Variants in SNTG1 observed in about 807,000 individuals in gnomAD.
SNTG1 encodes the protein gamma-1-syntrophin.
Under a neutral mutation model 74.7 loss-of-function variants are expected in SNTG1, and 39 were observed. That is an observed-to-expected ratio of 0.52 (90% CI 0.40 to 0.68). The LOEUF (loss-of-function observed/expected upper bound fraction) is 0.68, where lower values mean the gene tolerates loss of function less well. SNTG1 is among the 30% of genes least tolerant of loss of function. The probability of loss-of-function intolerance (pLI) is 0.00; values close to 1 mark genes in which losing one functional copy is unlikely to be tolerated. For missense variants in SNTG1, 685 were observed against 609.5 expected (o/e 1.12, Z -1.30); for synonymous variants, 254 against 217.1 (o/e 1.17, Z -1.49).
chr8:50,685,723 G>A (rs1175125715), intron 15 of SNTG1, among the ~76,000 whole-genome samples: 1 of 152,244 alleles, frequency 6.6e-6, no homozygotes, highest in Non-Finnish European at 1.5e-5. Flanking sequence ...ATTTTAAGCT[G>A]TCACTGAATT....
At chr8:50,459,900 T>A (rs2093544305) in intron 8 of SNTG1, among the ~76,000 whole-genome samples, 1 of 152,228 alleles carries the variant, frequency 6.6e-6, no homozygotes, top group African/African-American at 2.4e-5. Context: ...CACATTTTCT[T>A]TAATCTTCCC....
chr8:50,278,471 CTG>C, intron 2 of SNTG1, among the ~76,000 whole-genome samples: 1 of 152,180 alleles, frequency 6.6e-6, no homozygotes, highest in African/African-American at 2.4e-5. Context: ...TCAGAAATCC[CTG>C]TGATTGAATT....
chr8:50,191,532 A>G (rs1187052849), intron 2 of SNTG1, among the ~76,000 whole-genome samples: 1 of 152,136 alleles, frequency 6.6e-6, no homozygotes, highest in East Asian at 1.9e-4. Context: ...CAATCCTCTA[A>G]TACAGAATTA....
intron 2 of SNTG1, among the ~76,000 whole-genome samples, chr8:50,350,488 C>A (rs926441229): frequency 4.0e-5 from 6 of 151,626 alleles, no homozygotes; most frequent in Non-Finnish European, 1.5e-5. Flanking sequence ...CACCAATCAG[C>A]ACCCTGTGTC....
chr8:50,647,998 G>A (rs1041222549), intron 13 of SNTG1, among the ~76,000 whole-genome samples: 4 of 151,896 alleles, frequency 2.6e-5, no homozygotes, highest in African/African-American at 4.8e-5. Context: ...CTTCAACTGC[G>A]TAATTATTAT....
At chr8:50,344,923 G>A (rs1043845544) in intron 2 of SNTG1, among the ~76,000 whole-genome samples, 2 of 152,118 alleles carry the variant, frequency 1.3e-5, no homozygotes, top group African/African-American at 2.4e-5. Flanking sequence ...CAATCAGAGT[G>A]GTGTCTGACC....
intron 4 of SNTG1, among the ~76,000 whole-genome samples, chr8:50,408,585 G>C (rs2092908925): frequency 6.6e-6 from 1 of 152,144 alleles, no homozygotes; most frequent in African/African-American, 2.4e-5. Context: ...TTAACCCACT[G>C]ACCATGAAGG....
chr8:50,172,788 A>AC (rs1563692946), intron 2 of SNTG1, among the ~76,000 whole-genome samples, 153 bp downstream of exon 2: 5 of 81,550 alleles, frequency 6.1e-5, no homozygotes, highest in Admixed American at 4.9e-4. Flanking sequence ...AAAAAAAAAA[A>AC]CAAAACCTCT....
At chr8:50,566,630 G>T (rs140869799) in intron 12 of SNTG1, among the ~76,000 whole-genome samples, 62 of 152,130 alleles carry the variant, frequency 4.1e-4, no homozygotes, top group East Asian at 3.7e-3. Context: ...AAGGTATTTG[G>T]ATATGCTGGA....
At chr8:50,400,913 T>G (rs1385174342) in intron 3 of SNTG1, among the ~76,000 whole-genome samples, 1 of 152,150 alleles carries the variant, frequency 6.6e-6, no homozygotes, top group Non-Finnish European at 1.5e-5. Flanking sequence ...CTAACAGTAA[T>G]GCATTATATG....
intron 17 of SNTG1, among the ~76,000 whole-genome samples, chr8:50,719,487 G>T (rs896062405): frequency 1.3e-5 from 2 of 152,132 alleles, no homozygotes; most frequent in Admixed American, 6.5e-5. Context: ...CATTTCTATT[G>T]TTTCTATGTT....
chr8:50,671,882 A>G (rs1231776600), intron 15 of SNTG1, among the ~76,000 whole-genome samples: 2 of 151,872 alleles, frequency 1.3e-5, no homozygotes, highest in African/African-American at 2.4e-5. Flanking sequence ...TGATGAGTTC[A>G]TGTCCTTTGT....
At chr8:49,915,170 T>C (rs1194327520) in intron 1 of SNTG1, 1 of 152,146 alleles carries the variant, frequency 6.6e-6, no homozygotes, top group African/African-American at 2.4e-5. Flanking sequence ...ATTTGGGGAT[T>C]CTTTACTTTT....
intron 2 of SNTG1, among the ~76,000 whole-genome samples, chr8:50,286,094 C>T (rs1359613090): frequency 6.6e-6 from 1 of 151,350 alleles, no homozygotes; most frequent in African/African-American, 2.4e-5. Flanking sequence ...TGTATAACTT[C>T]TCTTTTTCCT....
intron 1 of SNTG1, among the ~76,000 whole-genome samples, chr8:50,167,273 A>G (rs1372275943): frequency 1.3e-5 from 2 of 149,394 alleles, no homozygotes; most frequent in Non-Finnish European, 3.0e-5. Flanking sequence ...AAAGTATAAT[A>G]ATAATAATAA....
chr8:50,123,720 T>C (rs2081063601), intron 1 of SNTG1, among the ~76,000 whole-genome samples: 1 of 142,030 alleles, frequency 7.0e-6, no homozygotes, highest in Non-Finnish European at 1.6e-5. Context: ...GGTGACATTG[T>C]AGAGGCCAAA....
Position 50,503,995 on chromosome 8 carries a change from T to C in SNTG1, c.466+1115T>C, listed in dbSNP as rs190865633. On this transcript the variant is annotated intron_variant, in intron 9 of 18. Coordinates refer to ENST00000642720, the MANE Select transcript of SNTG1 (RefSeq NM_018967.5). ...CCTGATCCTGTCCCTCCTCCCACCC[T>C]ACATCCCACTGAAAGGCCACAGTGT... Among the ~76,000 whole-genome samples, 402 of 152,238 alleles carry C rather than the reference T, an allele frequency of 2.6e-3. 5 individuals are homozygous for C. The highest frequency in any genetic ancestry group is 7.7e-4 in the East Asian group (4 of 5,170).
At position 49,939,558 on chromosome 8, in the gene SNTG1, T is replaced by C. The variant is rs77660741; in HGVS notation, c.-103+27327T>C. Among the ~76,000 whole-genome samples the C allele has an allele frequency of 1.2e-3, 185 of 152,320 alleles. 5 individuals carry two copies. In the East Asian group the frequency reaches 0.026, roughly 22 times the overall value. On this transcript the variant is annotated intron_variant, in intron 1 of 18. Transcript: ENST00000642720. Reference sequence around the variant, plus strand: ...TCAAACAATCTTTTCCACTTTAGCCTCCCGAGTAACTACAATTACAGGTTT... The same window carrying C: ...TCAAACAATCTTTTCCACTTTAGCCCCCCGAGTAACTACAATTACAGGTTT...
chr8:49,968,620 A>G (rs1231374220), intron 1 of SNTG1, among the ~76,000 whole-genome samples: 1 of 152,162 alleles, frequency 6.6e-6, no homozygotes, highest in Non-Finnish European at 1.5e-5. Context: ...AATAATATCA[A>G]TTTGGGAGGA....
Sources: allele counts gnomAD v4.1 joint callset (sites outside exome capture counted in the v4.1 genomes callset), GRCh38; gene constraint gnomAD v4.1.1; transcripts MANE v1.5; gene names NCBI Gene and HGNC (gene_info 2026-07-23, HGNC 2026-07-21).